ZNF69: variants seen among roughly 807,000 people sequenced by gnomAD.
The protein encoded by ZNF69 is ZNF3.
In ZNF69, 47 loss-of-function variants were observed where a neutral mutation model predicts 50.9. That is an observed-to-expected ratio of 0.92 (90% CI 0.73 to 1.18). The LOEUF (loss-of-function observed/expected upper bound fraction) is 1.18, where lower values mean the gene tolerates loss of function less well. ZNF69 is among the 50% of genes most tolerant of loss of function. The pLI is 0.00. For synonymous variants in ZNF69, 216 were observed against 223.1 expected (o/e 0.97, Z 0.29); for missense variants, 717 against 675.1 (o/e 1.06, Z -0.69).
chr19:11,890,838 A>AT (rs1977068079), intron 1 of ZNF69, among the ~76,000 whole-genome samples: 1 of 152,194 alleles, frequency 6.6e-6, no homozygotes, highest in Non-Finnish European at 1.5e-5. Flanking sequence ...AACCAGATAA[A>AT]TGCTTGATTG....
chr19:11,967,253 T>C, the ZNF69 span, among the ~76,000 whole-genome samples: 2 of 151,950 alleles, frequency 1.3e-5, no homozygotes, highest in Non-Finnish European at 2.9e-5. Flanking sequence ...GGAGAATCAC[T>C]TGAACCCAGG....
chr19:11,977,983 A>C, the ZNF69 span: 48 of 1,120,940 alleles, frequency 4.3e-5, no homozygotes, highest in Non-Finnish European at 5.8e-5. Context: ...CATGTTGTCC[A>C]TTTACCTTCA....
chr19:11,895,361 G>A (rs1977200224), intron 1 of ZNF69, among the ~76,000 whole-genome samples: 1 of 152,226 alleles, frequency 6.6e-6, no homozygotes, highest in African/African-American at 2.4e-5. Context: ...CAGGTGGGGA[G>A]CAAGACAGAC....
chr19:11,933,012 T>C, the ZNF69 span, among the ~76,000 whole-genome samples: 27 of 148,618 alleles, frequency 1.8e-4, no homozygotes, highest in Non-Finnish European at 5.9e-5. Context: ...TAATTCACTT[T>C]CTTATTTAGT....
At chr19:11,977,187 C>G in the ZNF69 span, 1 of 1,613,462 alleles carries the variant, frequency 6.2e-7, no homozygotes, top group Non-Finnish European at 8.5e-7. Context: ...ATATTCCTTC[C>G]CTCAGTCCAT....
At chr19:11,927,422 T>TTAAATAAATAAATAAA in the ZNF69 span, among the ~76,000 whole-genome samples, 4 of 143,040 alleles carry the variant, frequency 2.8e-5, no homozygotes, top group East Asian at 2.0e-4. Context: ...CTGTCTCTAT[T>TTAAATAAATAAATAAA]TAAATAAATA....
the ZNF69 span, chr19:11,976,910 G>C: frequency 1.3e-6 from 2 of 1,534,776 alleles, no homozygotes; most frequent in Non-Finnish European, 1.7e-6. Context: ...CAGAAAGCGA[G>C]AAAGGGATGT....
At chr19:11,925,108 C>T in the ZNF69 span, 4 of 1,422,278 alleles carry the variant, frequency 2.8e-6, no homozygotes, top group African/African-American at 2.9e-5. Context: ...GGTCGCTTTC[C>T]TCACCTTCCT....
chr19:11,942,550 G>A, the ZNF69 span, among the ~76,000 whole-genome samples: 13 of 152,234 alleles, frequency 8.5e-5, no homozygotes, highest in East Asian at 1.9e-4. Flanking sequence ...GCAGACTTGC[G>A]TCTTAAAAAC....
chr19:11,898,616 C>T (rs1972179532), intron 1 of ZNF69, among the ~76,000 whole-genome samples: 3 of 152,078 alleles, frequency 2.0e-5, no homozygotes, highest in Admixed American at 2.0e-4. Flanking sequence ...GTCTCGAACT[C>T]CTGACCTCAT....
At chr19:11,933,038 G>T in the ZNF69 span, among the ~76,000 whole-genome samples, 2 of 148,278 alleles carry the variant, frequency 1.3e-5, no homozygotes, top group African/African-American at 5.3e-5. Context: ...TTATTATTTA[G>T]AACAGTGGTT....
the ZNF69 span, among the ~76,000 whole-genome samples, chr19:11,920,590 A>G: frequency 6.6e-6 from 1 of 152,088 alleles, no homozygotes; most frequent in Admixed American, 6.5e-5. Flanking sequence ...GGCCAAATGA[A>G]AGAGACTTAG....
chr19:11,974,088 T>A, the ZNF69 span, among the ~76,000 whole-genome samples: 37 of 85,878 alleles, frequency 4.3e-4, 1 homozygote, highest in African/African-American at 1.7e-3. Context: ...TTTCTTTCTT[T>A]CTTTCTTTCT....
chr19:11,971,556 A>C, the ZNF69 span, among the ~76,000 whole-genome samples: 1 of 152,220 alleles, frequency 6.6e-6, no homozygotes, highest in Admixed American at 6.5e-5. Context: ...AGTGAAAAAA[A>C]CAAACTGCCT....
At chr19:11,893,384 G>C (rs1194541646) in intron 1 of ZNF69, among the ~76,000 whole-genome samples, 1 of 152,052 alleles carries the variant, frequency 6.6e-6, no homozygotes, top group Non-Finnish European at 1.5e-5. Context: ...ATGGGATGCC[G>C]GATCTCAAAT....
chr19:11,889,684 A>G (rs1336746262), intron 1 of ZNF69, among the ~76,000 whole-genome samples: 1 of 152,238 alleles, frequency 6.6e-6, no homozygotes, highest in Non-Finnish European at 1.5e-5. Context: ...GACTGAGTAA[A>G]GAAATAAGAC....
chr19:11,979,555 A>T, the ZNF69 span: 1 of 1,603,874 alleles, frequency 6.2e-7, no homozygotes, highest in South Asian at 1.1e-5. Context: ...AATGCAAGCA[A>T]TGTGGTAAAG....
chr19:11,945,626 G>T, the ZNF69 span, among the ~76,000 whole-genome samples: 30 of 152,176 alleles, frequency 2.0e-4, no homozygotes, highest in African/African-American at 6.0e-4. Flanking sequence ...GCCCTGGAGG[G>T]TTGTCTTCTG....
the ZNF69 span, chr19:11,947,402 T>TA: frequency 1.2e-6 from 2 of 1,603,444 alleles, no homozygotes; most frequent in Non-Finnish European, 1.7e-6. Context: ...AGACAGGAAA[T>TA]ACCTTGATGA....
Sources: allele counts gnomAD v4.1 joint callset (sites outside exome capture counted in the v4.1 genomes callset), GRCh38; gene constraint gnomAD v4.1.1; transcripts MANE v1.5; gene names NCBI Gene and HGNC (gene_info 2026-07-23, HGNC 2026-07-21).